The following RBFOX1 variants were observed in gnomAD, a reference collection of about 807,000 sequenced individuals.
RBFOX1 encodes RNA binding fox-1 homolog 1, also known as RNA binding protein fox-1 homolog 1.
Under a neutral mutation model 57.7 loss-of-function variants are expected in RBFOX1, and 8 were observed. That is an observed-to-expected ratio of 0.14 (90% confidence interval 0.08 to 0.25). RBFOX1 has a LOEUF of 0.25. Ranked by LOEUF, RBFOX1 falls within the 10% of genes least tolerant of loss-of-function variation. The pLI is 1.00. For missense variants in RBFOX1, 611 were observed against 548.5 expected (o/e 1.11, Z -1.14); for synonymous variants, 326 against 222.4 (o/e 1.47, Z -4.15).
intron 3 of RBFOX1, among the ~76,000 whole-genome samples, chr16:5,828,435 C>T (rs1468681275): frequency 6.6e-6 from 1 of 152,180 alleles, no homozygotes; most frequent in Non-Finnish European, 1.5e-5. Context: ...CCACCGGGCT[C>T]ACGCCTGTAA....
intron 2 of RBFOX1, among the ~76,000 whole-genome samples, chr16:6,484,227 A>G (rs187997995): frequency 1.4e-4 from 22 of 152,296 alleles, no homozygotes; most frequent in African/African-American, 5.3e-4. Flanking sequence ...TGAGAGGTTT[A>G]TGAAATGAAT....
intron 14 of RBFOX1, among the ~76,000 whole-genome samples, chr16:7,699,529 T>A (rs2148032381): frequency 1.3e-5 from 2 of 152,248 alleles, no homozygotes; most frequent in East Asian, 3.9e-4. Context: ...GAGCACACAA[T>A]AGGACTTGCT....
chr16:6,057,801 A>G, intron 1 of RBFOX1, among the ~76,000 whole-genome samples: 1 of 141,564 alleles, frequency 7.1e-6, no homozygotes. Context: ...GGCACTGTTG[A>G]AATTTTATGA....
intron 2 of RBFOX1, among the ~76,000 whole-genome samples, chr16:6,385,916 G>C (rs1007431350): frequency 6.7e-6 from 1 of 149,932 alleles, no homozygotes; most frequent in Non-Finnish European, 1.5e-5. Context: ...ATTCCATTAA[G>C]AACTCATTTC....
At position 5,278,319 on chromosome 16, in the gene RBFOX1, T is replaced by G. The variant is rs1443587545; in HGVS notation, c.219+38214T>G. On this transcript the variant is annotated intron_variant, in intron 1 of 2. Coordinates refer to the RBFOX1 transcript ENST00000585867. ...GTATCTTCTTCTGAGTAATGTCTATTTTTTGATAGTTTCTTTTGCTGTGCA... is the reference window on the plus strand; with the variant it reads ...GTATCTTCTTCTGAGTAATGTCTATGTTTTGATAGTTTCTTTTGCTGTGCA... Among the ~76,000 whole-genome samples the G allele has an allele frequency of 5.3e-5, 8 of 152,196 alleles. No homozygotes were observed. The East Asian group carries it at 1.5e-3, about 29-fold the overall frequency.
chr16:5,936,255 C>A (rs1171440251), intron 4 of RBFOX1, among the ~76,000 whole-genome samples: 1 of 152,128 alleles, frequency 6.6e-6, no homozygotes, highest in Non-Finnish European at 1.5e-5. Flanking sequence ...TCCTGAGTAG[C>A]TGGGATTACA....
chr16:6,614,763 C>G (rs1034179501), intron 2 of RBFOX1, among the ~76,000 whole-genome samples: 1 of 152,136 alleles, frequency 6.6e-6, no homozygotes, highest in African/African-American at 2.4e-5. Context: ...CTGTCTCTGA[C>G]TTCACATGGC....
chr16:6,924,717 C>T (rs1193379019), intron 3 of RBFOX1, among the ~76,000 whole-genome samples: 1 of 151,376 alleles, frequency 6.6e-6, no homozygotes, highest in Non-Finnish European at 1.5e-5. Flanking sequence ...TTTTAGGGTA[C>T]ATGTGCACAA....
At position 5,745,230 on chromosome 16, in the gene RBFOX1, A is replaced by T. The variant is rs142880273; in HGVS notation, c.319-122073A>T. On this transcript the variant is annotated intron_variant, in intron 3 of 19. Transcript: ENST00000641259. Reference sequence around the variant, plus strand: ...CCTTTGCGATAGTTTGCTGAGAATGATGGTTTCCAGCTTCATCCATGTCTC... The same window carrying T: ...CCTTTGCGATAGTTTGCTGAGAATGTTGGTTTCCAGCTTCATCCATGTCTC... Among the ~76,000 whole-genome samples the T allele has an allele frequency of 8.9e-3, 1,350 of 152,210 alleles. 18 individuals carry two copies. Among genetic ancestry groups the T allele is most frequent in the African/African-American group, 0.031 (1,301 of 41,526 alleles).
chr16:5,531,125 C>G (rs538858915), intron 2 of RBFOX1, among the ~76,000 whole-genome samples: 21 of 133,626 alleles, frequency 1.6e-4, no homozygotes, highest in African/African-American at 4.7e-4. Flanking sequence ...GACTCTATCT[C>G]AAAAATAAAA....
intron 2 of RBFOX1, among the ~76,000 whole-genome samples, chr16:6,379,292 A>G (rs1046099980): frequency 6.6e-6 from 1 of 152,132 alleles, no homozygotes; most frequent in Non-Finnish European, 1.5e-5. Context: ...GTGCTTCCCT[A>G]GGAGAGAGGC....
intron 5 of RBFOX1, among the ~76,000 whole-genome samples, chr16:7,573,088 A>AGAGTT (rs2092959350): frequency 6.6e-6 from 1 of 152,172 alleles, no homozygotes; most frequent in Non-Finnish European, 1.5e-5. Context: ...GTGCTGGTGC[A>AGAGTT]GAGTTGCTGT....
At chr16:6,680,820 T>G (rs1482904408) in intron 3 of RBFOX1, among the ~76,000 whole-genome samples, 12 of 152,226 alleles carry the variant, frequency 7.9e-5, no homozygotes, top group Admixed American at 7.2e-4. Flanking sequence ...TGTTGCAATA[T>G]TAAAAGCTTC....
intron 3 of RBFOX1, among the ~76,000 whole-genome samples, chr16:6,971,498 G>C (rs1336296675): frequency 7.8e-6 from 1 of 128,620 alleles, no homozygotes; most frequent in African/African-American, 2.5e-5. Context: ...GAGAGAGAGA[G>C]AGAGAGAGTT....
chr16:5,537,926 A>G (rs1037650081), intron 2 of RBFOX1, among the ~76,000 whole-genome samples: 2 of 152,150 alleles, frequency 1.3e-5, no homozygotes, highest in East Asian at 1.9e-4. Flanking sequence ...GGAGGGCATT[A>G]TTCTCCCTCC....
intron 2 of RBFOX1, among the ~76,000 whole-genome samples, chr16:6,330,861 G>C (rs1221053743): frequency 6.6e-6 from 1 of 152,158 alleles, no homozygotes; most frequent in African/African-American, 2.4e-5. Context: ...AGACATTCTA[G>C]GGCAAATTCT....
At chr16:5,729,766 C>T (rs1022486458) in intron 3 of RBFOX1, among the ~76,000 whole-genome samples, 3 of 152,176 alleles carry the variant, frequency 2.0e-5, no homozygotes, top group Non-Finnish European at 4.4e-5. Context: ...ACAGACACCA[C>T]TCTAGCTGGT....
intron 2 of RBFOX1, among the ~76,000 whole-genome samples, chr16:6,568,932 C>T (rs1047287223): frequency 6.6e-6 from 1 of 152,042 alleles, no homozygotes; most frequent in South Asian, 2.1e-4. Flanking sequence ...GCCATTATGC[C>T]CACGTGATTT....
chr16:5,397,977 A>G (rs369603362), intron 1 of RBFOX1, among the ~76,000 whole-genome samples: 18 of 152,238 alleles, frequency 1.2e-4, no homozygotes, highest in Middle Eastern at 3.4e-3. Context: ...GAGCTCATGG[A>G]TTGGTGGAAG....
Sources: gnomAD v4.1 joint callset for allele counts (sites outside exome capture counted in the v4.1 genomes callset) on GRCh38, gnomAD v4.1.1 for gene constraint, MANE v1.5 for transcripts, NCBI Gene and HGNC (gene_info 2026-07-23, HGNC 2026-07-21) for gene names.